The following KANK1 variants were observed in gnomAD, a reference collection of about 807,000 sequenced individuals.
KANK1 encodes the protein KN motif and ankyrin repeat domain-containing protein 1.
In KANK1, 109 loss-of-function variants were observed where a neutral mutation model predicts 106.2. The ratio of observed to expected loss-of-function variants is 1.03; its 90% confidence interval spans 0.88 to 1.20. The LOEUF (loss-of-function observed/expected upper bound fraction) is 1.20. Among genes scored for constraint, KANK1 ranks in the 50% most tolerant of loss-of-function variants. The pLI is 0.00. For missense variants in KANK1, 2,399 were observed against 1,710.7 expected (o/e 1.40, Z -7.10); for synonymous variants, 873 against 652.2 (o/e 1.34, Z -5.16).
chr9:569,507 C>CT (rs1337210356), intron 1 of KANK1, among the ~76,000 whole-genome samples: 1 of 152,188 alleles, frequency 6.6e-6, no homozygotes, highest in Non-Finnish European at 1.5e-5. Flanking sequence ...CCTCCAGACT[C>CT]TGTCAAGTCC....
intron 1 of KANK1, among the ~76,000 whole-genome samples, chr9:623,976 C>G (rs1039224869): frequency 1.3e-5 from 2 of 151,990 alleles, no homozygotes; most frequent in Non-Finnish European, 2.9e-5. Flanking sequence ...TGGAAACAAC[C>G]CAAGTGCCAT....
chr9:648,214 G>T (rs1178357985), intron 1 of KANK1, among the ~76,000 whole-genome samples: 14 of 143,118 alleles, frequency 9.8e-5, no homozygotes, highest in South Asian at 2.1e-4. Context: ...ATGTTGGTAA[G>T]GATGGTCTCA....
intron 1 of KANK1, among the ~76,000 whole-genome samples, chr9:607,508 G>C (rs968279704): frequency 3.1e-5 from 4 of 129,424 alleles, no homozygotes; most frequent in Admixed American, 8.0e-5. Flanking sequence ...AAAAAAAAAA[G>C]GAGATGGCTA....
intron 1 of KANK1, among the ~76,000 whole-genome samples, chr9:505,821 C>T (rs2058731392): frequency 6.6e-6 from 1 of 152,176 alleles, no homozygotes; most frequent in African/African-American, 2.4e-5. Context: ...TCGTGCAGTT[C>T]CTTTCCTCAC....
chr9:662,592 G>C (rs1843584209), intron 1 of KANK1, among the ~76,000 whole-genome samples: 1 of 151,968 alleles, frequency 6.6e-6, no homozygotes, highest in Non-Finnish European at 1.5e-5. Context: ...TAATAAGTGG[G>C]GCTGGGAAAA....
At chr9:636,242 T>G (rs1437222966) in intron 1 of KANK1, among the ~76,000 whole-genome samples, 1 of 152,170 alleles carries the variant, frequency 6.6e-6, no homozygotes, top group Non-Finnish European at 1.5e-5. Context: ...CTTAGATCTT[T>G]ATATGCAGAA....
intron 2 of KANK1, among the ~76,000 whole-genome samples, chr9:703,427 T>C (rs1224067862): frequency 6.6e-6 from 1 of 152,170 alleles, no homozygotes; most frequent in African/African-American, 2.4e-5. Flanking sequence ...AATAGGACCA[T>C]TTTCTGTAGC....
At chr9:526,074 C>G (rs528037875) in intron 1 of KANK1, among the ~76,000 whole-genome samples, 3 of 150,588 alleles carry the variant, frequency 2.0e-5, no homozygotes, top group African/African-American at 7.3e-5. Context: ...AGAATGGGGC[C>G]TTTCTTGGAG....
intron 1 of KANK1, among the ~76,000 whole-genome samples, chr9:569,167 T>C (rs1009147235): frequency 8.0e-5 from 12 of 150,324 alleles, no homozygotes; most frequent in African/African-American, 2.7e-4. Flanking sequence ...CCTTTCTTCC[T>C]GCCTCCCCTC....
At chr9:496,631 T>C (rs749661064) in intron 3 of KANK1, among the ~76,000 whole-genome samples, 1 of 152,244 alleles carries the variant, frequency 6.6e-6, no homozygotes, top group Non-Finnish European at 1.5e-5. Context: ...GTTTTAGTTA[T>C]AACAACATTT....
intron 1 of KANK1, among the ~76,000 whole-genome samples, chr9:537,000 G>A (rs2060334499): frequency 6.6e-6 from 1 of 152,152 alleles, no homozygotes; most frequent in African/African-American, 2.4e-5. Flanking sequence ...TGGAAGACTG[G>A]AAGCTACCTC....
At chr9:625,666 A>G (rs147498787) in intron 1 of KANK1, among the ~76,000 whole-genome samples, 1 of 152,302 alleles carries the variant, frequency 6.6e-6, no homozygotes. Context: ...TTGTTAACTG[A>G]AACAGCCCCC....
At chr9:661,953 C>T (rs932016205) in intron 1 of KANK1, among the ~76,000 whole-genome samples, 2 of 152,112 alleles carry the variant, frequency 1.3e-5, no homozygotes, top group Non-Finnish European at 2.9e-5. Context: ...ATGTCCTTCG[C>T]CCACTTTTTG....
At chr9:607,420 G>C (rs527830427) in intron 1 of KANK1, among the ~76,000 whole-genome samples, 13 of 149,556 alleles carry the variant, frequency 8.7e-5, no homozygotes, top group African/African-American at 3.0e-4. Context: ...GGGAAGCAGA[G>C]GTTGCAGTGA....
At chr9:671,623 A>AAAAAAAAAAGAAAAAAAG (rs79437342) in intron 1 of KANK1, among the ~76,000 whole-genome samples, 2 of 103,636 alleles carry the variant, frequency 1.9e-5, no homozygotes, top group East Asian at 3.2e-4. Flanking sequence ...CTCAAAAAAA[A>AAAAAAAAAAGAAAAAAAG]AAAAGAGTGT....
At position 742,339 on chromosome 9, in the gene KANK1, C is replaced by T. The variant is rs766451306; in HGVS notation, c.3831C>T (p.His1277=). Residue 1277 remains histidine, a synonymous_variant, in exon 10 of 12, where the codon CAC becomes CAT. Coordinates refer to ENST00000382297, the MANE Select transcript of KANK1 (RefSeq NM_015158.5). The part of the protein sequence containing the change: ...GSTALMCASE[H]GHVEIVKLLL... ...CGGCCCTCATGTGTGCCAGCGAGCACGGACACGTGGAGATTGTCAAGCTGC... is the reference window on the plus strand; with the variant it reads ...CGGCCCTCATGTGTGCCAGCGAGCATGGACACGTGGAGATTGTCAAGCTGC... The T allele has an allele frequency of 1.7e-5, 28 of 1,614,014 alleles. No individual in the cohort carries two copies. In the East Asian group the frequency reaches 3.1e-4, roughly 18 times the overall value.
intron 1 of KANK1, among the ~76,000 whole-genome samples, chr9:650,247 A>G (rs1840587507): frequency 1.3e-5 from 2 of 152,178 alleles, no homozygotes; most frequent in African/African-American, 4.8e-5. Flanking sequence ...GGAGTTTGGG[A>G]TTGGCCTCTG....
At chr9:731,990 C>T (rs1018808219) in intron 5 of KANK1, 1 of 163,412 alleles carries the variant, frequency 6.1e-6, no homozygotes, top group African/African-American at 2.4e-5. Flanking sequence ...TATCGATTGC[C>T]TATGTAATCT....
At chr9:524,677 C>T (rs920279547) in intron 1 of KANK1, among the ~76,000 whole-genome samples, 2 of 151,242 alleles carry the variant, frequency 1.3e-5, no homozygotes, top group African/African-American at 4.9e-5. Flanking sequence ...ACTACGACAC[C>T]CGGCTAATTT....
Sources: allele counts gnomAD v4.1 joint callset (sites outside exome capture counted in the v4.1 genomes callset), GRCh38; gene constraint gnomAD v4.1.1; transcripts MANE v1.5; gene names NCBI Gene and HGNC (gene_info 2026-07-23, HGNC 2026-07-21).